Variants in TSEN15 observed in about 807,000 individuals in gnomAD.
The protein encoded by TSEN15 is tRNA-splicing endonuclease subunit Sen15.
A neutral mutation model predicts 20.5 loss-of-function variants in TSEN15; 10 were observed. The observed-to-expected ratio is 0.49, with a 90% CI of 0.30 to 0.83. The LOEUF is 0.83. TSEN15 is among the 40% of genes least tolerant of loss of function. TSEN15 has a pLI of 0.06. For missense variants in TSEN15, 180 were observed against 218.6 expected (o/e 0.82, Z 1.11); for synonymous variants, 72 against 80.1 (o/e 0.90, Z 0.54).
intron 3 of TSEN15, among the ~76,000 whole-genome samples, chr1:184,090,723 C>T (rs1220748305): frequency 6.6e-6 from 1 of 152,084 alleles, no homozygotes; most frequent in Non-Finnish European, 1.5e-5. Flanking sequence ...TCATTTATGG[C>T]AGATGAGGTG....
chr1:184,079,537 C>G (rs1651123708), intron 3 of TSEN15, among the ~76,000 whole-genome samples: 1 of 152,102 alleles, frequency 6.6e-6, no homozygotes, highest in South Asian at 2.1e-4. Context: ...CTCACATGGC[C>G]TTTCCTCTGT....
chr1:184,066,113 A>G (rs1650646818), intron 3 of TSEN15, among the ~76,000 whole-genome samples: 1 of 152,134 alleles, frequency 6.6e-6, no homozygotes. Context: ...ATAGTTTTGC[A>G]TTTTACATTA....
intron 3 of TSEN15, among the ~76,000 whole-genome samples, chr1:184,067,861 T>C (rs1650727313): frequency 6.9e-6 from 1 of 144,454 alleles, no homozygotes; most frequent in Non-Finnish European, 1.5e-5. Context: ...AGGTGGAGGT[T>C]GCAGTGAGCC....
chr1:184,095,214 T>C, intron 3 of TSEN15: 1 of 397,610 alleles, frequency 2.5e-6, no homozygotes, highest in Non-Finnish European at 4.4e-6. Context: ...CCAGTTTCCT[T>C]CTGACACTGC....
intron 3 of TSEN15, among the ~76,000 whole-genome samples, chr1:184,082,534 G>T (rs1374733372): frequency 6.6e-6 from 1 of 152,048 alleles, no homozygotes; most frequent in Non-Finnish European, 1.5e-5. Context: ...GTGGGTGCTG[G>T]CCATATTCCC....
At chr1:184,094,038 TG>T (rs1651404093) in intron 3 of TSEN15, 1 of 152,192 alleles carries the variant, frequency 6.6e-6, no homozygotes, top group Non-Finnish European at 1.5e-5. Flanking sequence ...AAAACTCATC[TG>T]GTTTCCAGAG....
At chr1:184,054,265 T>A in intron 1 of TSEN15, 89 bp from the exon 2 acceptor site, 2 of 780,436 alleles carry the variant, frequency 2.6e-6, no homozygotes, top group Non-Finnish European at 4.1e-6. Context: ...ATTTTATAGA[T>A]TATATATGCT....
chr1:184,066,477 A>C (rs1650665996), intron 3 of TSEN15, among the ~76,000 whole-genome samples: 1 of 151,642 alleles, frequency 6.6e-6, no homozygotes, highest in African/African-American at 2.4e-5. Flanking sequence ...ATCTCGGCTC[A>C]CTGCAACCCG....
At chr1:184,092,034 T>C (rs1651366438) in intron 3 of TSEN15, among the ~76,000 whole-genome samples, 2 of 152,288 alleles carry the variant, frequency 1.3e-5, no homozygotes, top group African/African-American at 4.8e-5. Context: ...GTGGAAGAGA[T>C]GGCAGAGCAT....
chr1:184,072,359 T>TA, intron 4 of TSEN15, 61 bp downstream of exon 4: 1 of 1,482,888 alleles, frequency 6.7e-7, no homozygotes, highest in East Asian at 2.4e-5. Context: ...GACGTGATTT[T>TA]AAGTGTGACT....
chr1:184,067,393 C>T (rs962556718), intron 3 of TSEN15, among the ~76,000 whole-genome samples: 1 of 152,052 alleles, frequency 6.6e-6, no homozygotes, highest in Admixed American at 6.6e-5. Flanking sequence ...GTCTGTTTTC[C>T]TCCACTAGAA....
downstream of TSEN15, among the ~76,000 whole-genome samples, chr1:184,078,032 C>T (rs1037457134): frequency 1.3e-5 from 2 of 152,096 alleles, no homozygotes; most frequent in African/African-American, 4.8e-5. Flanking sequence ...AAAATGCTAT[C>T]AAGTAGCATC....
Position 184,051,790 on chromosome 1 carries a change from G to T in TSEN15, c.35G>T (p.Gly12Val). ...CGCGGCGATTCCGAGCCGACCCCCG[G>T]CTGCAGCGGCCTGGGTCCGGGCGGT... Reference protein sequence around the residue: ...EERGDSEPTPGCSGLGPGGVR... With the variant: ...EERGDSEPTPVCSGLGPGGVR... The change falls in exon 1 of 5, where the codon GGC becomes GTC. Residue 12 changes from glycine to valine, a missense_variant. Physicochemically the swap from Gly to Val is moderately radical, Grantham distance 109. Around this residue, in one of 3 missense-constraint regions of TSEN15, gnomAD observed 76 missense variants for 66.5 expected, o/e 1.14. Coordinates refer to ENST00000645668, the MANE Select transcript of TSEN15 (RefSeq NM_052965.4). 1 of 1,522,332 alleles carries T rather than the reference G, an allele frequency of 6.6e-7. No individual in the cohort carries two copies. The allele number at this position is 1,522,332 out of a possible 1,614,324, so 94.3% of individuals were successfully genotyped here.
At chr1:184,077,000 A>G (rs1217762446), downstream of TSEN15, among the ~76,000 whole-genome samples, 1 of 152,180 alleles carries the variant, frequency 6.6e-6, no homozygotes, top group Non-Finnish European at 1.5e-5. Context: ...AAATTATCAA[A>G]AAATCTAGCT....
intron 3 of TSEN15, among the ~76,000 whole-genome samples, chr1:184,060,700 T>TTTATCA (rs1160905249): frequency 6.6e-6 from 1 of 152,188 alleles, no homozygotes; most frequent in African/African-American, 2.4e-5. Flanking sequence ...TACAAAAAGC[T>TTTATCA]GAGGTTAAAA....
At chr1:184,067,971 T>TATATATAC (rs1557883607) in intron 3 of TSEN15, among the ~76,000 whole-genome samples, 9 of 133,116 alleles carry the variant, frequency 6.8e-5, no homozygotes, top group African/African-American at 2.5e-4. Flanking sequence ...TATATATATA[T>TATATATAC]GTACATATGT....
rs576722459 is a variant in TSEN15 at position 184,056,934 on chromosome 1, C to T, written c.353+2071C>T. Among the ~76,000 whole-genome samples, 69 of 152,292 alleles carry T rather than the reference C, an allele frequency of 4.5e-4. No homozygotes were observed. In the Middle Eastern group the frequency reaches 0.01, roughly 23 times the overall value. On this transcript the variant is annotated intron_variant, in intron 3 of 4. Transcript: ENST00000645668. ...AGCAAGCCTCCCTTATGCATTTCTT[C>T]TTTAGAAGCTGTAGCAGGCAGCTTC...
intron 3 of TSEN15, among the ~76,000 whole-genome samples, chr1:184,091,167 A>G (rs1245792968): frequency 1.3e-5 from 2 of 152,104 alleles, no homozygotes; most frequent in African/African-American, 2.4e-5. Flanking sequence ...CCTACCCTCC[A>G]GTCTCAAAGC....
intron 3 of TSEN15, among the ~76,000 whole-genome samples, chr1:184,085,465 G>A (rs1011104845): frequency 6.6e-6 from 1 of 152,158 alleles, no homozygotes; most frequent in Non-Finnish European, 1.5e-5. Context: ...ATAAACAAAT[G>A]AATACACATA....
Sources: allele counts gnomAD v4.1 joint callset (sites outside exome capture counted in the v4.1 genomes callset), GRCh38; gene constraint gnomAD v4.1.1; regional missense constraint gnomAD v4.1.1; transcripts MANE v1.5; gene names NCBI Gene and HGNC (gene_info 2026-07-23, HGNC 2026-07-21).